Variants in NRN1 observed in about 807,000 individuals in gnomAD.
NRN1 encodes the protein neuritin.
NRN1 carries 4 observed loss-of-function variants against 15.0 expected under a neutral mutation model. That is an observed-to-expected ratio of 0.27 (90% confidence interval 0.13 to 0.61). The LOEUF (loss-of-function observed/expected upper bound fraction) is 0.61, where lower values mean the gene tolerates loss of function less well. Among genes scored for constraint, NRN1 ranks in the 20% least tolerant of loss-of-function variants. NRN1 has a pLI of 0.87. For missense variants in NRN1, 134 were observed against 181.9 expected (o/e 0.74, Z 1.51); for synonymous variants, 85 against 79.8 (o/e 1.07, Z -0.35).
intron 1 of NRN1, among the ~76,000 whole-genome samples, chr6:6,005,933 C>A (rs1325355211): frequency 6.6e-6 from 1 of 152,184 alleles, no homozygotes; most frequent in South Asian, 2.1e-4. Context: ...CTTCCATAAC[C>A]AATCCCAAAC....
At chr6:6,001,581 C>G (rs1757946455) in intron 2 of NRN1, among the ~76,000 whole-genome samples, 1 of 152,158 alleles carries the variant, frequency 6.6e-6, no homozygotes, top group Non-Finnish European at 1.5e-5. Flanking sequence ...TTGAAGCTGT[C>G]CAGGTCTGGG....
chr6:6,003,378 T>TC (rs1758017155), intron 1 of NRN1: 2 of 604,980 alleles, frequency 3.3e-6, no homozygotes, highest in Non-Finnish European at 4.8e-6. Context: ...TCTCTCCTCC[T>TC]CCCCTGTCCG....
At chr6:6,003,359 G>C in intron 1 of NRN1, 1 of 760,144 alleles carries the variant, frequency 1.3e-6, no homozygotes, top group South Asian at 6.7e-5. Flanking sequence ...CACGAACCTC[G>C]GGCCTCTTTC....
At chr6:6,006,044 T>C (rs1427896200) in intron 1 of NRN1, among the ~76,000 whole-genome samples, 1 of 152,230 alleles carries the variant, frequency 6.6e-6, no homozygotes, top group Admixed American at 6.5e-5. Flanking sequence ...AGCAGGCAAA[T>C]GCATCTAGAA....
Position 5,998,792 on chromosome 6 carries a change from G to A in NRN1, c.*184C>T. On this transcript the variant is annotated 3_prime_UTR_variant, in exon 3 of 3. Coordinates refer to ENST00000244766, the MANE Select transcript of NRN1 (RefSeq NM_016588.3). ...CTTGCTCACTGATTGGTAACATTTG[G>A]CAAATAAAACACAAGAAATCAAACG... is the stretch of plus-strand genomic sequence containing the variant. 1 of 604,838 alleles carries A rather than the reference G, an allele frequency of 1.7e-6. No homozygotes were observed. Among genetic ancestry groups the A allele is most frequent in the South Asian group, 2.1e-5 (1 of 47,906 alleles). 37.5% of individuals were successfully genotyped at this position (604,838 alleles called of 1,614,324 possible).
In NRN1 at chr6:5,998,958, G is replaced by A. The variant is rs747187407; in HGVS notation, c.*18C>T. On this transcript the variant is annotated 3_prime_UTR_variant, in exon 3 of 3. Coordinates refer to ENST00000244766, the MANE Select transcript of NRN1 (RefSeq NM_016588.3). ...GGAGTGAGTGTGGGTGGGCGCGCGG[G>A]GGGAGCTGGCCCCACGCTCAGAAGG... 4 of 1,585,736 alleles carry A rather than the reference G, an allele frequency of 2.5e-6. No individual in the cohort carries two copies. The highest frequency in any genetic ancestry group is 1.3e-5 in the African/African-American group (1 of 74,454).
At chr6:6,002,667 G>A (rs541436664) in intron 1 of NRN1, among the ~76,000 whole-genome samples, 170 bp from the exon 2 acceptor site, 1 of 152,390 alleles carries the variant, frequency 6.6e-6, no homozygotes, top group South Asian at 2.1e-4. Context: ...ACGTGACCCA[G>A]GAATGCCCGA....
intron 1 of NRN1, chr6:6,003,722 T>C: frequency 8.1e-7 from 1 of 1,234,302 alleles, no homozygotes; most frequent in South Asian, 4.1e-5. Context: ...GGCGCGCGGC[T>C]GTGGCCATCT....
At chr6:6,006,626 C>CT in intron 1 of NRN1, 69 bp downstream of exon 1, 1 of 1,505,862 alleles carries the variant, frequency 6.6e-7, no homozygotes, top group South Asian at 1.1e-5. Flanking sequence ...GCTAGTCCCC[C>CT]TCCGCGCCTC....
Position 5,999,036 on chromosome 6 carries a change from C to A in NRN1, c.369G>T (p.Pro123=), listed in dbSNP as rs111660749. The change falls in exon 3 of 3, where the codon CCG becomes CCT. Residue 123 remains proline, a synonymous_variant. Coordinates refer to ENST00000244766, the MANE Select transcript of NRN1 (RefSeq NM_016588.3). ...SGNGAAGSLL[P]AFPVLLVSLS... is the part of the protein sequence containing the mutation. ...GAGACACCAGGAGCACCGGGAACGC[C>A]GGGAGCAGGGACCCCGCCGCCCCGT... 1.9e-6 allele frequency: 3 copies of A among 1,613,766 alleles called. No individual in the cohort carries two copies. The highest frequency in any genetic ancestry group is 2.5e-6 in the Non-Finnish European group (3 of 1,179,904).
chr6:6,007,011 G>A, upstream of NRN1: 1 of 489,106 alleles, frequency 2.0e-6, no homozygotes, highest in Admixed American at 3.6e-5. Flanking sequence ...AGGGGGCGGA[G>A]GAAGTACAGC....
chr6:6,000,490 T>C (rs572982146), intron 2 of NRN1, among the ~76,000 whole-genome samples: 38 of 152,276 alleles, frequency 2.5e-4, no homozygotes, highest in African/African-American at 8.7e-4. Context: ...ACCTGCCTTC[T>C]ACATGGTTTG....
chr6:5,999,529 C>T (rs189070562), intron 2 of NRN1, among the ~76,000 whole-genome samples: 1 of 152,270 alleles, frequency 6.6e-6, no homozygotes, highest in Non-Finnish European at 1.5e-5. Context: ...CCTCGGCCTC[C>T]GCAAACAGAT....
chr6:5,998,933 GGAGT>G lies in NRN1; in HGVS notation c.*39_*42del. Reference sequence around the variant, plus strand: ...TCTTCCTCTCGATTTCCGGGAGCATGGAGTGAGTGTGGGTGGGCGCGCGGGGGGA... The same window carrying G: ...TCTTCCTCTCGATTTCCGGGAGCATGGAGTGTGGGTGGGCGCGCGGGGGGA... On this transcript the variant is annotated 3_prime_UTR_variant, in exon 3 of 3. Transcript: ENST00000244766. 2 of 1,405,072 alleles carry G rather than the reference GGAGT, an allele frequency of 1.4e-6. No individual in the cohort carries two copies. The highest frequency in any genetic ancestry group is 2.0e-6 in the Non-Finnish European group (2 of 1,004,008). 87.0% of individuals were successfully genotyped at this position (1,405,072 alleles called of 1,614,324 possible).
chr6:6,006,172 C>G lies in NRN1; in HGVS notation c.55+523G>C, dbSNP rs538570222. Among the ~76,000 whole-genome samples, 83 of 152,140 alleles carry G rather than the reference C, an allele frequency of 5.5e-4. No individual in the cohort carries two copies. In the East Asian group the frequency reaches 0.015, roughly 28 times the overall value. On this transcript the variant is annotated intron_variant, in intron 1 of 2. Transcript: ENST00000244766. The stretch of plus-strand genomic sequence containing the variant: ...GCCCACCAGCCGGGTCTGCGGTGCC[C>G]GTGCAAACGCTGCAGCTAGGATATA...
chr6:6,003,671 AC>A (rs1421572752), intron 1 of NRN1: 1 of 1,230,018 alleles, frequency 8.1e-7, no homozygotes, highest in Admixed American at 4.2e-5. Flanking sequence ...GGACGGCCAA[AC>A]CCCGAGGCGC....
chr6:6,001,374 T>G (rs902724062), intron 2 of NRN1, among the ~76,000 whole-genome samples: 11 of 151,770 alleles, frequency 7.2e-5, no homozygotes, highest in African/African-American at 2.7e-4. Context: ...ACACAGCTGT[T>G]TTTTGCAAAA....
chr6:6,002,175 G>C (rs748358633), intron 2 of NRN1, among the ~76,000 whole-genome samples, 178 bp downstream of exon 2: 24 of 152,222 alleles, frequency 1.6e-4, no homozygotes, highest in Non-Finnish European at 2.5e-4. Flanking sequence ...CTTGGGAAGC[G>C]CAGGTTCTAA....
chr6:6,005,774 T>G (rs1758096141), intron 1 of NRN1, among the ~76,000 whole-genome samples: 1 of 152,258 alleles, frequency 6.6e-6, no homozygotes, highest in Non-Finnish European at 1.5e-5. Flanking sequence ...ATTAATGTTC[T>G]GACCCAGTGT....
Sources: allele counts gnomAD v4.1 joint callset (sites outside exome capture counted in the v4.1 genomes callset), GRCh38; gene constraint gnomAD v4.1.1; transcripts MANE v1.5; gene names NCBI Gene and HGNC (gene_info 2026-07-23, HGNC 2026-07-21).